The following NMNAT3 variants were observed in gnomAD, a reference collection of about 807,000 sequenced individuals.
The protein encoded by NMNAT3 is nicotinamide/nicotinic acid mononucleotide adenylyltransferase 3.
In NMNAT3, 21 loss-of-function variants were observed where a neutral mutation model predicts 24.8. The observed-to-expected ratio is 0.85, with a 90% CI of 0.60 to 1.22. The LOEUF (loss-of-function observed/expected upper bound fraction) is 1.22, where lower values mean the gene tolerates loss of function less well. Ranked by LOEUF, NMNAT3 falls within the 50% of genes most tolerant of loss-of-function variation. NMNAT3 has a pLI of 0.00. For missense variants in NMNAT3, 387 were observed against 436.6 expected, an observed-to-expected ratio of 0.89 and a Z score of 1.01; for synonymous variants, 136 against 155.2, an observed-to-expected ratio of 0.88 and a Z score of 0.92.
In NMNAT3 at chr3:139,611,498, C is replaced by T. The variant is rs563347356; in HGVS notation, c.109+16118G>A. Among the ~76,000 whole-genome samples, 10 of 152,246 alleles carry T rather than the reference C, an allele frequency of 6.6e-5. No individual in the cohort carries two copies. In the South Asian group the frequency reaches 2.1e-3, roughly 32 times the overall value. On this transcript the variant is annotated intron_variant, in intron 3 of 6. Transcript: ENST00000643695. ...GTCATACAGCAAGTGAGTTTGACAC[C>T]AAAATTTGACTCCAAACCTAGTGAT...
chr3:139,585,005 CCT>C (rs1334539687), intron 3 of NMNAT3, among the ~76,000 whole-genome samples: 1 of 151,456 alleles, frequency 6.6e-6, no homozygotes, highest in Non-Finnish European at 1.5e-5. Flanking sequence ...CAGAATATGA[CCT>C]ATCTTAGTGA....
chr3:139,618,394 G>T (rs918764815), intron 3 of NMNAT3, among the ~76,000 whole-genome samples: 1 of 152,154 alleles, frequency 6.6e-6, no homozygotes. Flanking sequence ...AGCTTTTAAG[G>T]TTATGTTGTT....
chr3:139,576,066 C>T, intron 5 of NMNAT3: 7 of 1,287,030 alleles, frequency 5.4e-6, no homozygotes, highest in Non-Finnish European at 7.1e-6. Context: ...AAGGAATCCT[C>T]AGTAAGCTCT....
chr3:139,587,524 C>T (rs1360559170), intron 3 of NMNAT3, among the ~76,000 whole-genome samples: 1 of 152,156 alleles, frequency 6.6e-6, no homozygotes, highest in African/African-American at 2.4e-5. Context: ...GATGCTAAGC[C>T]ATCCAGGATG....
intron 3 of NMNAT3, among the ~76,000 whole-genome samples, chr3:139,616,385 A>T (rs1010138088): frequency 6.6e-6 from 1 of 152,098 alleles, no homozygotes; most frequent in Non-Finnish European, 1.5e-5. Flanking sequence ...TAAGGCTGTC[A>T]AAGCCTGGGG....
chr3:139,677,196 A>G (rs2057958555), intron 1 of NMNAT3, among the ~76,000 whole-genome samples: 1 of 152,138 alleles, frequency 6.6e-6, no homozygotes, highest in South Asian at 2.1e-4. Flanking sequence ...TAGAATTTCA[A>G]TCTTCATAGC....
chr3:139,603,046 C>A (rs866507804), intron 3 of NMNAT3, among the ~76,000 whole-genome samples: 1 of 152,194 alleles, frequency 6.6e-6, no homozygotes, highest in Middle Eastern at 3.4e-3. Context: ...TATATTGTTT[C>A]TCTAACTGTT....
At chr3:139,596,959 TA>T (rs1559891341) in intron 3 of NMNAT3, among the ~76,000 whole-genome samples, 50 of 111,570 alleles carry the variant, frequency 4.5e-4, no homozygotes, top group African/African-American at 1.1e-3. Context: ...TATATATATA[TA>T]TATATTTTTA....
chr3:139,644,382 T>G (rs2056804395), intron 1 of NMNAT3, among the ~76,000 whole-genome samples: 1 of 152,156 alleles, frequency 6.6e-6, no homozygotes, highest in Non-Finnish European at 1.5e-5. Flanking sequence ...AAAACAACTT[T>G]AAATCTAGAC....
intron 1 of NMNAT3, among the ~76,000 whole-genome samples, chr3:139,662,323 G>A (rs2057442375): frequency 6.6e-6 from 1 of 152,114 alleles, no homozygotes; most frequent in African/African-American, 2.4e-5. Flanking sequence ...TGACCCATCA[G>A]TCAAACAGCT....
chr3:139,596,316 G>C (rs1240154960), intron 3 of NMNAT3, among the ~76,000 whole-genome samples: 1 of 152,144 alleles, frequency 6.6e-6, no homozygotes, highest in African/African-American at 2.4e-5. Context: ...AGTTCCAGGA[G>C]GTAGGTGCAG....
At chr3:139,642,726 G>A (rs1044231142) in intron 1 of NMNAT3, among the ~76,000 whole-genome samples, 1 of 152,094 alleles carries the variant, frequency 6.6e-6, no homozygotes, top group Non-Finnish European at 1.5e-5. Context: ...CATTCTTGAT[G>A]GCTCCACAGT....
intron 4 of NMNAT3, chr3:139,582,901 C>CA: frequency 7.4e-7 from 1 of 1,359,088 alleles, no homozygotes; most frequent in Non-Finnish European, 9.7e-7. Context: ...AGGAGCAGTC[C>CA]AAAAAAATAT....
chr3:139,665,445 C>A (rs2057545525), intron 1 of NMNAT3, among the ~76,000 whole-genome samples: 1 of 152,112 alleles, frequency 6.6e-6, no homozygotes, highest in Non-Finnish European at 1.5e-5. Context: ...GTTACAGTAG[C>A]CACAGTCCAT....
chr3:139,667,292 T>A (rs1043793787), intron 1 of NMNAT3, among the ~76,000 whole-genome samples: 1 of 152,246 alleles, frequency 6.6e-6, no homozygotes, highest in East Asian at 1.9e-4. Context: ...TTTTTGATAA[T>A]AGTCATTTTA....
chr3:139,649,680 C>A (rs1288048267), intron 1 of NMNAT3, among the ~76,000 whole-genome samples: 1 of 152,170 alleles, frequency 6.6e-6, no homozygotes, highest in African/African-American at 2.4e-5. Flanking sequence ...GTGAGTTGCA[C>A]ACCAGGGAGG....
intron 1 of NMNAT3, among the ~76,000 whole-genome samples, chr3:139,675,301 G>A (rs149187223): frequency 1.3e-5 from 2 of 152,332 alleles, no homozygotes; most frequent in East Asian, 3.9e-4. Context: ...CCAGGTCAAA[G>A]AGCCAGAACG....
chr3:139,603,928 A>G (rs2054825953), intron 3 of NMNAT3, among the ~76,000 whole-genome samples: 1 of 152,228 alleles, frequency 6.6e-6, no homozygotes, highest in Non-Finnish European at 1.5e-5. Context: ...GTCATATTCA[A>G]AGGTTGGTCA....
chr3:139,601,489 G>A (rs1484543491), intron 3 of NMNAT3, among the ~76,000 whole-genome samples: 1 of 152,222 alleles, frequency 6.6e-6, no homozygotes, highest in Admixed American at 6.5e-5. Context: ...CGGTTGGAAA[G>A]CACACTAGAA....
Sources: gnomAD v4.1 joint callset for allele counts (sites outside exome capture counted in the v4.1 genomes callset) on GRCh38, gnomAD v4.1.1 for gene constraint, MANE v1.5 for transcripts, NCBI Gene and HGNC (gene_info 2026-07-23, HGNC 2026-07-21) for gene names.